Variants in DSCAM observed in about 807,000 individuals in gnomAD.
The protein encoded by DSCAM is DS cell adhesion molecule, also known as cell adhesion molecule DSCAM.
Under a neutral mutation model 217.7 loss-of-function variants are expected in DSCAM, and 47 were observed. The observed-to-expected ratio is 0.22, with a 90% CI of 0.17 to 0.28. The LOEUF (loss-of-function observed/expected upper bound fraction) is 0.28. Ranked by LOEUF, DSCAM falls within the 10% of genes least tolerant of loss-of-function variation. The pLI is 1.00. For missense variants in DSCAM, 2,080 were observed against 2,618.3 expected, an observed-to-expected ratio of 0.79 and a Z score of 4.49; for synonymous variants, 1,056 against 1,015.3, an observed-to-expected ratio of 1.04 and a Z score of -0.76.
chr21:40,793,314 T>C (rs573513869), intron 1 of DSCAM, among the ~76,000 whole-genome samples: 1 of 152,288 alleles, frequency 6.6e-6, no homozygotes, highest in Admixed American at 6.5e-5. Flanking sequence ...ATCTCATTAA[T>C]TGGCCATATC....
chr21:40,566,903 A>C (rs531180722), intron 3 of DSCAM, among the ~76,000 whole-genome samples: 1 of 152,218 alleles, frequency 6.6e-6, no homozygotes, highest in East Asian at 1.9e-4. Flanking sequence ...TGTGAGACAC[A>C]GGAAAGTGGG....
chr21:40,387,548 C>G (rs958783521), intron 3 of DSCAM, among the ~76,000 whole-genome samples: 1 of 152,166 alleles, frequency 6.6e-6, no homozygotes, highest in African/African-American at 2.4e-5. Flanking sequence ...CTAAGGACAT[C>G]TGGCAGAAGC....
chr21:40,120,455 G>T (rs1220462259), intron 20 of DSCAM, among the ~76,000 whole-genome samples: 1 of 152,204 alleles, frequency 6.6e-6, no homozygotes, highest in Non-Finnish European at 1.5e-5. Flanking sequence ...CTTTTATGTA[G>T]ACGGGAGCGT....
intron 3 of DSCAM, among the ~76,000 whole-genome samples, chr21:40,390,215 A>G (rs2075121589): frequency 6.6e-6 from 1 of 152,232 alleles, no homozygotes; most frequent in Admixed American, 6.5e-5. Context: ...GTCTGATCTT[A>G]GTATTCAATC....
intron 3 of DSCAM, among the ~76,000 whole-genome samples, chr21:40,523,423 G>A (rs2076375261): frequency 6.6e-6 from 1 of 152,142 alleles, no homozygotes; most frequent in African/African-American, 2.4e-5. Flanking sequence ...TGGACTTCGG[G>A]AGGAATGCAC....
intron 15 of DSCAM, among the ~76,000 whole-genome samples, chr21:40,168,718 G>A (rs369560294): frequency 7.2e-5 from 11 of 152,128 alleles, no homozygotes; most frequent in African/African-American, 2.7e-4. Context: ...ATTTGGGGAA[G>A]CGCATGACTA....
At chr21:40,457,713 A>G (rs1051562121) in intron 3 of DSCAM, among the ~76,000 whole-genome samples, 11 of 152,210 alleles carry the variant, frequency 7.2e-5, no homozygotes, top group African/African-American at 2.7e-4. Context: ...AGAATAACGT[A>G]AAATATGATA....
chr21:40,406,307 T>C (rs1305085665), intron 3 of DSCAM, among the ~76,000 whole-genome samples: 4 of 152,130 alleles, frequency 2.6e-5, no homozygotes, highest in Non-Finnish European at 4.4e-5. Flanking sequence ...TTGGTATTTA[T>C]CCAAAGGAAA....
At chr21:40,209,271 T>C (rs1332449494) in intron 11 of DSCAM, among the ~76,000 whole-genome samples, 1 of 152,200 alleles carries the variant, frequency 6.6e-6, no homozygotes, top group Non-Finnish European at 1.5e-5. Context: ...GCAGGGTGTG[T>C]GGCCAACCCT....
chr21:40,642,702 C>T (rs1242136529), intron 3 of DSCAM, among the ~76,000 whole-genome samples: 1 of 152,164 alleles, frequency 6.6e-6, no homozygotes, highest in East Asian at 1.9e-4. Flanking sequence ...CCCACCCTAG[C>T]CACCCAAAGT....
intron 3 of DSCAM, among the ~76,000 whole-genome samples, chr21:40,684,662 C>T (rs539457763): frequency 6.6e-6 from 1 of 152,346 alleles, no homozygotes; most frequent in South Asian, 2.1e-4. Context: ...ATTTCTCAAT[C>T]TCAAATCCTG....
chr21:40,521,328 G>T (rs58812862), intron 3 of DSCAM, among the ~76,000 whole-genome samples: 39,228 of 152,022 alleles, frequency 0.26, 6,076 homozygotes, highest in African/African-American at 0.41. Context: ...TTGAGAAACC[G>T]CTATACTTTT....
intron 1 of DSCAM, among the ~76,000 whole-genome samples, chr21:40,778,948 C>T (rs1379609781): frequency 7.1e-6 from 1 of 140,788 alleles, no homozygotes; most frequent in African/African-American, 2.6e-5. Flanking sequence ...CACTTGAATT[C>T]GGGAGGCAGA....
chr21:40,806,399 T>C (rs1010969137), intron 1 of DSCAM, among the ~76,000 whole-genome samples: 2 of 152,112 alleles, frequency 1.3e-5, no homozygotes, highest in African/African-American at 4.8e-5. Flanking sequence ...TTTCTGTGAG[T>C]TTACCTGACA....
chr21:40,518,644 ATG>A (rs1188527737), intron 3 of DSCAM, among the ~76,000 whole-genome samples: 1 of 133,682 alleles, frequency 7.5e-6, no homozygotes, highest in Non-Finnish European at 1.5e-5. Flanking sequence ...ACATATATAC[ATG>A]TATATATGTG....
chr21:40,520,961 T>A (rs1431322921), intron 3 of DSCAM, among the ~76,000 whole-genome samples: 1 of 152,230 alleles, frequency 6.6e-6, no homozygotes, highest in Non-Finnish European at 1.5e-5. Flanking sequence ...CCTGTAAGTA[T>A]GTACAAATAT....
chr21:40,506,388 C>A (rs2076210622), intron 3 of DSCAM, among the ~76,000 whole-genome samples: 1 of 152,184 alleles, frequency 6.6e-6, no homozygotes, highest in African/African-American at 2.4e-5. Flanking sequence ...CCAGTGGGAG[C>A]CCCGGACTCA....
At chr21:40,648,785 G>A (rs2089980248) in intron 3 of DSCAM, among the ~76,000 whole-genome samples, 1 of 152,068 alleles carries the variant, frequency 6.6e-6, no homozygotes, top group South Asian at 2.1e-4. Flanking sequence ...AGGGGTTGGG[G>A]GACCACCCAC....
chr21:40,740,169 G>A (rs558372124), intron 1 of DSCAM, among the ~76,000 whole-genome samples: 2 of 152,092 alleles, frequency 1.3e-5, no homozygotes, highest in South Asian at 4.1e-4. Context: ...CAACTCCTTT[G>A]AGGATAAAAA....
Sources: allele counts gnomAD v4.1 joint callset (sites outside exome capture counted in the v4.1 genomes callset), GRCh38; gene constraint gnomAD v4.1.1; transcripts MANE v1.5; gene names NCBI Gene and HGNC (gene_info 2026-07-23, HGNC 2026-07-21).